Variants in MBTD1 observed in about 807,000 individuals in gnomAD.
MBTD1 encodes MBT domain-containing protein 1.
Under a neutral mutation model 87.8 loss-of-function variants are expected in MBTD1, and 24 were observed. The observed-to-expected ratio is 0.27, with a 90% confidence interval of 0.20 to 0.38. MBTD1 has a LOEUF of 0.38. Ranked by LOEUF, MBTD1 falls within the 10% of genes least tolerant of loss-of-function variation. The pLI, the probability that MBTD1 is intolerant of heterozygous loss-of-function variation, is 1.00. For synonymous variants in MBTD1, 237 were observed against 248.6 expected (o/e 0.95, Z 0.44); for missense variants, 436 against 760.2 (o/e 0.57, Z 5.02).
rs1022737621 is a variant in MBTD1 at position 51,178,655 on chromosome 17, G to C, written c.*1921C>G. 1 of 152,128 alleles carries C rather than the reference G, an allele frequency of 6.6e-6. No homozygotes were observed. The highest frequency in any genetic ancestry group is 1.5e-5 in the Non-Finnish European group (1 of 68,038). 9.4% of individuals were successfully genotyped at this position (152,128 alleles called of 1,614,324 possible). On this transcript the variant is annotated 3_prime_UTR_variant, in exon 17 of 17. Coordinates refer to ENST00000586178, the MANE Select transcript of MBTD1 (RefSeq NM_017643.3). ...ATACTTCTAGGCTTTAAGTTTACAA[G>C]AAGATTTTTCAAAGTTAAAGATATG...
At chr17:51,239,056 T>C (rs1192840376) in intron 2 of MBTD1, among the ~76,000 whole-genome samples, 1 of 150,684 alleles carries the variant, frequency 6.6e-6, no homozygotes, top group South Asian at 2.1e-4. Context: ...GCCAAGATCA[T>C]GCCACTGCAC....
chr17:51,209,541 G>T, intron 6 of MBTD1: 1 of 466,446 alleles, frequency 2.1e-6, no homozygotes, highest in Non-Finnish European at 4.4e-6. Context: ...AAAATAAGTG[G>T]GTGGGAAGTC....
At chr17:51,259,115 G>A (rs903376960) in intron 2 of MBTD1, 28 bp downstream of exon 2, 18 of 444,964 alleles carry the variant, frequency 4.0e-5, no homozygotes, top group Non-Finnish European at 6.7e-5. Context: ...GTGCTTTTAG[G>A]GGTGTAAGCA....
At chr17:51,214,742 A>G (rs1164998742) in intron 6 of MBTD1, among the ~76,000 whole-genome samples, 1 of 152,148 alleles carries the variant, frequency 6.6e-6, no homozygotes, top group African/African-American at 2.4e-5. Context: ...CTTGTACTCA[A>G]GTAGAAGAGA....
intron 2 of MBTD1, among the ~76,000 whole-genome samples, 155 bp downstream of exon 2, chr17:51,258,988 T>C (rs1284467623): frequency 6.6e-6 from 1 of 151,906 alleles, no homozygotes; most frequent in African/African-American, 2.4e-5. Flanking sequence ...ATTTGAGAAG[T>C]AAAAAAAGGA....
intron 16 of MBTD1, among the ~76,000 whole-genome samples, chr17:51,189,726 C>G (rs1416530952): frequency 6.6e-6 from 1 of 152,186 alleles, no homozygotes; most frequent in Non-Finnish European, 1.5e-5. Context: ...TCTTATCCAA[C>G]AGAAAGTGAA....
intron 16 of MBTD1, chr17:51,186,027 GTTT>G (rs1279099676): frequency 6.5e-6 from 1 of 152,790 alleles, no homozygotes; most frequent in Non-Finnish European, 1.5e-5. Flanking sequence ...CTAATTACCT[GTTT>G]TGAGGCTGGG....
intron 1 of MBTD1, among the ~76,000 whole-genome samples, chr17:51,259,434 G>GA (rs1234256624): frequency 6.6e-6 from 1 of 152,008 alleles, no homozygotes; most frequent in Admixed American, 6.6e-5. Context: ...GCAAAGCAAC[G>GA]AAACTGTGCT....
At chr17:51,235,019 T>C (rs1040327620) in intron 2 of MBTD1, among the ~76,000 whole-genome samples, 29 of 152,174 alleles carry the variant, frequency 1.9e-4, no homozygotes, top group South Asian at 4.2e-4. Flanking sequence ...TTCTAGAATA[T>C]TGAATAGGAT....
At chr17:51,218,730 A>C (rs2052721006) in intron 5 of MBTD1, among the ~76,000 whole-genome samples, 200 bp downstream of exon 5, 1 of 152,160 alleles carries the variant, frequency 6.6e-6, no homozygotes, top group South Asian at 2.1e-4. Flanking sequence ...TGCCAAAAGC[A>C]CTTGAACTTA....
At chr17:51,226,503 AAAAAT>A (rs1170674186) in intron 2 of MBTD1, among the ~76,000 whole-genome samples, 3 of 151,886 alleles carry the variant, frequency 2.0e-5, no homozygotes, top group African/African-American at 7.3e-5. Flanking sequence ...ACCATGTCTC[AAAAAT>A]AAAATAAAAT....
At chr17:51,235,481 C>A (rs2053781249) in intron 2 of MBTD1, among the ~76,000 whole-genome samples, 1 of 152,104 alleles carries the variant, frequency 6.6e-6, no homozygotes, top group South Asian at 2.1e-4. Flanking sequence ...TTGAACCTAA[C>A]AATATATAAA....
intron 2 of MBTD1, among the ~76,000 whole-genome samples, chr17:51,241,205 C>T (rs2054144230): frequency 6.6e-6 from 1 of 152,102 alleles, no homozygotes; most frequent in Non-Finnish European, 1.5e-5. Flanking sequence ...AACTCCTGGC[C>T]TCATGTGATC....
At chr17:51,244,379 C>T (rs1377788651) in intron 2 of MBTD1, among the ~76,000 whole-genome samples, 1 of 152,124 alleles carries the variant, frequency 6.6e-6, no homozygotes, top group East Asian at 1.9e-4. Flanking sequence ...TCAAAATATG[C>T]CAGATGTGGC....
intron 2 of MBTD1, among the ~76,000 whole-genome samples, chr17:51,227,397 C>CAA (rs1414544823): frequency 5.3e-5 from 8 of 151,896 alleles, no homozygotes; most frequent in Non-Finnish European, 1.0e-4. Context: ...TCCATCTCTA[C>CAA]AAAAAATACA....
intron 6 of MBTD1, among the ~76,000 whole-genome samples, chr17:51,210,607 T>A (rs1345965378): frequency 6.6e-6 from 1 of 151,516 alleles, no homozygotes; most frequent in Non-Finnish European, 1.5e-5. Flanking sequence ...AATACAAAAA[T>A]TAGCTGGGTA....
intron 6 of MBTD1, among the ~76,000 whole-genome samples, chr17:51,208,940 G>GAGAAAGTAGC (rs1316975094): frequency 3.3e-5 from 5 of 152,316 alleles, no homozygotes; most frequent in Non-Finnish European, 5.9e-5. Flanking sequence ...ATTGGTATAG[G>GAGAAAGTAGC]AGAAAGTAGC....
In MBTD1 at chr17:51,228,490, G is replaced by GC. The variant is rs1555691696; in HGVS notation, c.-48-3282_-48-3281insG. ...CAAGATGTTGCCTCATTCAAACCAC[G>GC]AAAAAAAAAAAAAAACAAGACAAAA... On this transcript the variant is annotated intron_variant, in intron 2 of 16. Coordinates refer to ENST00000586178, the MANE Select transcript of MBTD1 (RefSeq NM_017643.3). Among the ~76,000 whole-genome samples, 8 of 121,300 alleles carry GC rather than the reference G, an allele frequency of 6.6e-5. No homozygotes were observed. In the South Asian group the frequency reaches 1.9e-3, roughly 29 times the overall value. The allele number at this position is 121,300 out of a possible 152,430, so 79.6% of individuals were successfully genotyped here. A position where few individuals can be genotyped will look rare whatever the true frequency, so the allele number is the denominator to read the frequency against.
At chr17:51,191,142 C>T (rs1385385127) in intron 16 of MBTD1, among the ~76,000 whole-genome samples, 2 of 151,586 alleles carry the variant, frequency 1.3e-5, no homozygotes, top group Admixed American at 6.6e-5. Flanking sequence ...AAAGCTATGG[C>T]TTTCTATGGT....
Sources: allele counts gnomAD v4.1 joint callset (sites outside exome capture counted in the v4.1 genomes callset), GRCh38; gene constraint gnomAD v4.1.1; transcripts MANE v1.5; gene names NCBI Gene and HGNC (gene_info 2026-07-23, HGNC 2026-07-21).